Variants in MCCC2 observed in about 807,000 individuals in gnomAD.
MCCC2 encodes methylcrotonoyl-CoA carboxylase beta chain, mitochondrial.
In MCCC2, 52 loss-of-function variants were observed where a neutral mutation model predicts 77.2. The ratio of observed to expected loss-of-function variants is 0.67; its 90% confidence interval spans 0.54 to 0.85. The LOEUF (loss-of-function observed/expected upper bound fraction) is 0.85, where lower values mean the gene tolerates loss of function less well. MCCC2 is among the 40% of genes least tolerant of loss of function. MCCC2 has a pLI of 0.00. For missense variants in MCCC2, 682 were observed against 703.2 expected, an observed-to-expected ratio of 0.97 and a Z score of 0.34; for synonymous variants, 253 against 248.4, an observed-to-expected ratio of 1.02 and a Z score of -0.18.
At chr5:71,619,036 T>C (rs983158791) in intron 6 of MCCC2, among the ~76,000 whole-genome samples, 3 of 152,196 alleles carry the variant, frequency 2.0e-5, no homozygotes, top group Admixed American at 1.3e-4. Context: ...CAGGCCTTTC[T>C]CTTTTCCTTT....
intron 6 of MCCC2, among the ~76,000 whole-genome samples, chr5:71,615,736 G>A (rs145486537): frequency 1.3e-5 from 2 of 152,212 alleles, no homozygotes; most frequent in African/African-American, 2.4e-5. Context: ...CAGTTCCTCC[G>A]ACAGAGTTCC....
chr5:71,616,896 G>A (rs1215271967), intron 6 of MCCC2, among the ~76,000 whole-genome samples: 1 of 152,092 alleles, frequency 6.6e-6, no homozygotes, highest in Non-Finnish European at 1.5e-5. Context: ...ATCACCCCCA[G>A]AGGCAGCTCA....
At chr5:71,623,638 T>C (rs996122534) in intron 6 of MCCC2, among the ~76,000 whole-genome samples, 3 of 152,142 alleles carry the variant, frequency 2.0e-5, no homozygotes, top group East Asian at 1.9e-4. Context: ...TTATTACAAG[T>C]GAGTCACTGG....
chr5:71,596,512 A>G (rs762374830), intron 3 of MCCC2, 148 bp downstream of exon 3: 1 of 772,664 alleles, frequency 1.3e-6, no homozygotes, highest in Non-Finnish European at 2.2e-6. Flanking sequence ...TGTGTCAAGC[A>G]CTATGTGTTG....
At chr5:71,646,055 A>G (rs2048883486) in intron 12 of MCCC2, among the ~76,000 whole-genome samples, 156 bp from the exon 13 acceptor site, 1 of 78,614 alleles carries the variant, frequency 1.3e-5, no homozygotes, top group Non-Finnish European at 3.0e-5. Context: ...GAGTGAGACC[A>G]TGTTTCTTTA....
At chr5:71,599,958 G>T (rs1745358651) in intron 4 of MCCC2, among the ~76,000 whole-genome samples, 198 bp downstream of exon 4, 1 of 152,206 alleles carries the variant, frequency 6.6e-6, no homozygotes. Flanking sequence ...CTGAGGTCAG[G>T]AGTTTGAGAT....
At chr5:71,628,362 A>G (rs1746605215) in intron 7 of MCCC2, among the ~76,000 whole-genome samples, 1 of 152,218 alleles carries the variant, frequency 6.6e-6, no homozygotes, top group African/African-American at 2.4e-5. Context: ...CTTCCTTTGA[A>G]GCACAAAAGT....
chr5:71,620,607 A>G (rs1251262621), intron 6 of MCCC2, among the ~76,000 whole-genome samples: 1 of 152,102 alleles, frequency 6.6e-6, no homozygotes, highest in Non-Finnish European at 1.5e-5. Flanking sequence ...GACCTACAAT[A>G]TGTAATTTGC....
Position 71,602,537 on chromosome 5 carries a change from A to AGGACTGTG in MCCC2, c.415_416insGGACTGTG (p.Thr139ArgfsTer13), listed in dbSNP as rs1745479002. On this transcript the variant is annotated frameshift_variant, in exon 5 of 17. Transcript: ENST00000340941. LOFTEE classifies it high-confidence loss of function. ...ATGCATGATTATTGCCAATGATGCC[A>AGGACTGTG]CCGTCAAAGGAGGTGCCTACTACCC... 3 of 1,614,042 alleles carry AGGACTGTG rather than the reference A, an allele frequency of 1.9e-6. No individual in the cohort carries two copies. Among genetic ancestry groups the AGGACTGTG allele is most frequent in the Non-Finnish European group, 2.5e-6 (3 of 1,180,038 alleles).
At chr5:71,649,348 C>T in intron 14 of MCCC2, 95 bp downstream of exon 14, 1 of 1,200,882 alleles carries the variant, frequency 8.3e-7, no homozygotes, top group African/African-American at 1.5e-5. Flanking sequence ...TATAGAATGC[C>T]ATTCCCAGAT....
chr5:71,593,583 T>C, intron 2 of MCCC2, among the ~76,000 whole-genome samples: 1 of 151,836 alleles, frequency 6.6e-6, no homozygotes, highest in East Asian at 1.9e-4. Flanking sequence ...AAGAGATGGG[T>C]TCTTGCTCTA....
intron 3 of MCCC2, 124 bp from the exon 4 acceptor site, chr5:71,599,535 A>T: frequency 1.3e-6 from 1 of 758,458 alleles, no homozygotes; most frequent in Non-Finnish European, 2.3e-6. Context: ...TAGATTTTAT[A>T]TACAACATGT....
chr5:71,636,661 C>G (rs1746941429), intron 10 of MCCC2: 1 of 151,798 alleles, frequency 6.6e-6, no homozygotes, highest in Non-Finnish European at 1.5e-5. Flanking sequence ...GATTGCACTA[C>G]TGCACTCCAG....
At chr5:71,605,600 A>G (rs1745638808) in intron 6 of MCCC2, among the ~76,000 whole-genome samples, 1 of 150,088 alleles carries the variant, frequency 6.7e-6, no homozygotes, top group Non-Finnish European at 1.5e-5. Flanking sequence ...CCATTTGTCA[A>G]TTTTGGCTTT....
rs1241237837 is a variant in MCCC2 at position 71,598,682 on chromosome 5, C to T, written c.282-977C>T. Reference sequence around the variant, plus strand: ...TGTTATCCAGGCTGGTCTCAAACTCCTGACCTCACGTGATCTACCTGTCTC... The same window carrying T: ...TGTTATCCAGGCTGGTCTCAAACTCTTGACCTCACGTGATCTACCTGTCTC... On this transcript the variant is annotated intron_variant, in intron 3 of 16. Coordinates refer to ENST00000340941, the MANE Select transcript of MCCC2 (RefSeq NM_022132.5). 3.4e-5 allele frequency among the ~76,000 whole-genome samples: 5 copies of T among 148,862 alleles called. No homozygotes were observed. The South Asian group carries it at 1.1e-3, about 32-fold the overall frequency.
intron 6 of MCCC2, among the ~76,000 whole-genome samples, chr5:71,605,660 A>G (rs914671332): frequency 3.5e-4 from 53 of 151,542 alleles, no homozygotes; most frequent in African/African-American, 1.2e-3. Flanking sequence ...GCCCATGCCT[A>G]TGTCCTGAAT....
At chr5:71,595,262 G>A (rs1745137207) in intron 2 of MCCC2, among the ~76,000 whole-genome samples, 1 of 148,830 alleles carries the variant, frequency 6.7e-6, no homozygotes, top group Admixed American at 6.8e-5. Context: ...GCAACAGAGT[G>A]AGACCTCATC....
At chr5:71,618,519 TCC>T (rs1561835106) in intron 6 of MCCC2, among the ~76,000 whole-genome samples, 7,993 of 78,976 alleles carry the variant, frequency 0.1, 330 homozygotes, top group Admixed American at 0.15. Flanking sequence ...CTTCCTTCCT[TCC>T]TTCCTTCCTT....
At chr5:71,603,415 C>CAAAA (rs10538231) in intron 5 of MCCC2, among the ~76,000 whole-genome samples, 7 of 74,234 alleles carry the variant, frequency 9.4e-5, no homozygotes, top group Non-Finnish European at 1.5e-4. Context: ...GAGACTGTCT[C>CAAAA]AAAAAAAAAA....
Sources: allele counts gnomAD v4.1 joint callset (sites outside exome capture counted in the v4.1 genomes callset), GRCh38; gene constraint gnomAD v4.1.1; transcripts MANE v1.5; gene names NCBI Gene and HGNC (gene_info 2026-07-23, HGNC 2026-07-21).